Variants in GLE1 observed in about 807,000 individuals in gnomAD.
The protein encoded by GLE1 is mRNA export factor GLE1.
Under a neutral mutation model 97.3 loss-of-function variants are expected in GLE1, and 78 were observed. That is an observed-to-expected ratio of 0.80 (90% confidence interval 0.67 to 0.97). The LOEUF (loss-of-function observed/expected upper bound fraction) is 0.97, where lower values mean the gene tolerates loss of function less well. Among genes scored for constraint, GLE1 ranks in the 50% least tolerant of loss-of-function variants. GLE1 has a pLI of 0.00. For missense variants in GLE1, 753 were observed against 857.5 expected (o/e 0.88, Z 1.52); for synonymous variants, 302 against 313.4 (o/e 0.96, Z 0.39).
chr9:128,522,752 G>C lies in GLE1; in HGVS notation c.517G>C (p.Asp173His). ...GGCATCTGAACAACTGAAGCGGTTT[G>C]ATGAATGGAAGGAACTGAAGCAGCA... Reference protein sequence around the residue: ...EMASEQLKRFDEWKELKQHKE... With the variant: ...EMASEQLKRFHEWKELKQHKE... The change falls in exon 4 of 16, where the codon GAT (aspartate) becomes CAT (histidine). Residue 173 changes from aspartate (D) to histidine (H), a missense_variant. Asp to His is a moderately conservative substitution (Grantham distance 81). Coordinates refer to ENST00000309971, the MANE Select transcript of GLE1 (RefSeq NM_001003722.2). 3 of 1,612,976 alleles carry C rather than the reference G, an allele frequency of 1.9e-6. No individual in the cohort carries two copies. The highest frequency in any genetic ancestry group is 2.5e-6 in the Non-Finnish European group (3 of 1,179,464).
intron 3 of GLE1, among the ~76,000 whole-genome samples, chr9:128,520,028 G>T (rs1341174688): frequency 6.6e-6 from 1 of 152,000 alleles, no homozygotes; most frequent in Non-Finnish European, 1.5e-5. Flanking sequence ...GAGGCGGGAG[G>T]ATCACAAGGT....
At chr9:128,531,786 C>T (rs997383426) in intron 9 of GLE1, among the ~76,000 whole-genome samples, 8 of 139,380 alleles carry the variant, frequency 5.7e-5, no homozygotes, top group Middle Eastern at 4.1e-3. Context: ...GAGGTGACAT[C>T]GAACCACTGC....
chr9:128,506,823 A>T (rs1240661512), intron 1 of GLE1, among the ~76,000 whole-genome samples: 1 of 152,180 alleles, frequency 6.6e-6, no homozygotes, highest in Non-Finnish European at 1.5e-5. Context: ...CCAGCACTTC[A>T]CTTTTCTTTC....
Position 128,533,626 on chromosome 9 carries a change from G to A in GLE1, c.1426G>A (p.Val476Ile). ...VTLNPQGLDF[V>I]QYKLAEKFVK... ...ACTTAACCCACAGGGGCTGGACTTT[G>A]TTCAATACAAACTGGCAGAGAAATT... Residue 476 changes from valine (V) to isoleucine (I), a missense_variant, in exon 10 of 16, where the codon GTT (valine) becomes ATT (isoleucine). Physicochemically the swap from Val to Ile is conservative, Grantham distance 29. Transcript: ENST00000309971. 6.2e-7 allele frequency: 1 copy of A among 1,614,152 alleles called. No individual in the cohort carries two copies.
chr9:128,514,582 A>G (rs1846924224), intron 2 of GLE1, among the ~76,000 whole-genome samples: 1 of 151,758 alleles, frequency 6.6e-6, no homozygotes, highest in Admixed American at 6.6e-5. Flanking sequence ...AGCTGGGACT[A>G]CAGGCGCCCG....
At chr9:128,512,279 A>G (rs1469495296) in intron 2 of GLE1, among the ~76,000 whole-genome samples, 1 of 152,228 alleles carries the variant, frequency 6.6e-6, no homozygotes, top group African/African-American at 2.4e-5. Context: ...GGTGGTGTTT[A>G]CATGAATCTA....
chr9:128,515,695 A>G, intron 3 of GLE1, 56 bp downstream of exon 3: 2 of 912,160 alleles, frequency 2.2e-6, no homozygotes, highest in South Asian at 1.3e-5. Flanking sequence ...ATTTAACTGC[A>G]GTTCCCCAGG....
chr9:128,505,046 C>T (rs1229263197), intron 1 of GLE1, 142 bp downstream of exon 1: 2 of 676,916 alleles, frequency 3.0e-6, no homozygotes, highest in South Asian at 1.6e-5. Context: ...TGTGTACATC[C>T]CTCTGTCCTG....
chr9:128,523,534 G>A (rs143683113), intron 5 of GLE1, 58 bp from the exon 6 acceptor site: 7 of 1,604,178 alleles, frequency 4.4e-6, no homozygotes, highest in African/African-American at 4.0e-5. Flanking sequence ...TTTGAGGACT[G>A]TAGAAAGAAG....
At chr9:128,522,916 C>A (rs1473503963) in intron 4 of GLE1, 100 bp downstream of exon 4, 6 of 1,342,920 alleles carry the variant, frequency 4.5e-6, no homozygotes, top group Non-Finnish European at 6.4e-6. Flanking sequence ...ACTTCTGAGT[C>A]CTTAAATATC....
chr9:128,537,453 C>CAAAA (rs57584433), intron 12 of GLE1, among the ~76,000 whole-genome samples: 139 of 43,472 alleles, frequency 3.2e-3, no homozygotes, highest in Non-Finnish European at 4.2e-3. Flanking sequence ...AACTCTCCCT[C>CAAAA]AAAAAAAAAA....
Position 128,523,258 on chromosome 9 carries a change from C to T in GLE1, c.582-22C>T, listed in dbSNP as rs1847204971. 3.8e-6 allele frequency: 6 copies of T among 1,580,612 alleles called. No individual in the cohort carries two copies. In the East Asian group the frequency reaches 1.3e-4, roughly 35 times the overall value. On this transcript the variant is annotated intron_variant, in intron 4 of 15. Coordinates refer to ENST00000309971, the MANE Select transcript of GLE1 (RefSeq NM_001003722.2). ...TTTCAGGAAGTATCCCTGACTATTCCTCCCTGCCATTTTTCATGCAGCTCC... is the reference window on the plus strand; with the variant it reads ...TTTCAGGAAGTATCCCTGACTATTCTTCCCTGCCATTTTTCATGCAGCTCC...
intron 12 of GLE1, among the ~76,000 whole-genome samples, chr9:128,537,629 C>T (rs894192910): frequency 2.4e-4 from 36 of 151,874 alleles, no homozygotes; most frequent in African/African-American, 8.5e-4. Flanking sequence ...CAAGGTGAAA[C>T]CATGTCTCTA....
chr9:128,533,579 G>A lies in GLE1; in HGVS notation c.1379G>A (p.Gly460Asp). ...SLLSGKPVQS[G>D]GRSVSVTLNP... ...CTCTCTGGAAAACCTGTTCAATCTGGTGGGCGCTCTGTGTCTGTCACACTT... is the reference window on the plus strand; with the variant it reads ...CTCTCTGGAAAACCTGTTCAATCTGATGGGCGCTCTGTGTCTGTCACACTT... The change falls in exon 10 of 16, where the codon GGT becomes GAT. Residue 460 changes from glycine to aspartate, a missense_variant. Physicochemically the swap from Gly to Asp is moderately conservative, Grantham distance 94. Coordinates refer to ENST00000309971, the MANE Select transcript of GLE1 (RefSeq NM_001003722.2). The A allele has an allele frequency of 6.2e-7, 1 of 1,613,800 alleles. No homozygotes were observed.
At chr9:128,517,310 A>G (rs1367455375) in intron 3 of GLE1, among the ~76,000 whole-genome samples, 1 of 152,180 alleles carries the variant, frequency 6.6e-6, no homozygotes, top group East Asian at 1.9e-4. Flanking sequence ...AAGAAAAAGA[A>G]AATGAAAGTC....
At chr9:128,532,121 C>T (rs1847531472) in intron 9 of GLE1, among the ~76,000 whole-genome samples, 1 of 148,206 alleles carries the variant, frequency 6.7e-6, no homozygotes, top group African/African-American at 2.5e-5. Context: ...AGGAACTTGA[C>T]AGGGTATTTC....
intron 12 of GLE1, 136 bp downstream of exon 12, chr9:128,536,620 A>G (rs1847719528): frequency 1.3e-6 from 1 of 765,290 alleles, no homozygotes; most frequent in African/African-American, 1.7e-5. Flanking sequence ...TTTCATGGGT[A>G]TTATGTAGAG....
Position 128,536,484 on chromosome 9 carries a change from G to A in GLE1, c.1776G>A (p.Glu592=). The A allele has an allele frequency of 6.2e-7, 1 of 1,613,150 alleles. No individual in the cohort carries two copies. The highest frequency in any genetic ancestry group is 8.5e-7 in the Non-Finnish European group (1 of 1,179,200). Residue 592 remains glutamate (E), a splice_region_variant and synonymous_variant, in exon 12 of 16, where the codon GAG becomes GAA. Transcript: ENST00000309971. ...QLRWPYGNRQ[E]IHPHGLNHGW... ...GGTGGCCATATGGAAACCGACAGGA[G>A]GTAGGTAAAAGAGGCTTACTGTCAA...
Position 128,536,633 on chromosome 9 carries a change from C to T in GLE1, c.1776+149C>T, listed in dbSNP as rs1378171806. The T allele has an allele frequency of 1.5e-5, 11 of 716,412 alleles. No individual in the cohort carries two copies. In the East Asian group the frequency reaches 2.8e-4, roughly 18 times the overall value. 44.4% of individuals were successfully genotyped at this position (716,412 alleles called of 1,614,324 possible). On this transcript the variant is annotated intron_variant, in intron 12 of 15. Coordinates refer to ENST00000309971, the MANE Select transcript of GLE1 (RefSeq NM_001003722.2). ...AGTTTCATGGGTATTATGTAGAGGACTGAATGTTGATTATTAGGGAACTTT... is the reference window on the plus strand; with the variant it reads ...AGTTTCATGGGTATTATGTAGAGGATTGAATGTTGATTATTAGGGAACTTT...
Sources: allele counts gnomAD v4.1 joint callset (sites outside exome capture counted in the v4.1 genomes callset), GRCh38; gene constraint gnomAD v4.1.1; transcripts MANE v1.5; gene names NCBI Gene and HGNC (gene_info 2026-07-23, HGNC 2026-07-21).